The following APLP2 variants were observed in gnomAD, a reference collection of about 807,000 sequenced individuals.
The protein encoded by APLP2 is CDEI box-binding protein.
Under a neutral mutation model 89.9 loss-of-function variants are expected in APLP2, and 53 were observed. That is an observed-to-expected ratio of 0.59 (90% confidence interval 0.47 to 0.74). The LOEUF (loss-of-function observed/expected upper bound fraction) is 0.74, where lower values mean the gene tolerates loss of function less well. Ranked by LOEUF, APLP2 falls within the 30% of genes least tolerant of loss-of-function variation. The probability of loss-of-function intolerance (pLI) is 0.00; values close to 1 mark genes in which losing one functional copy is unlikely to be tolerated. For missense variants in APLP2, 973 were observed against 975.9 expected, an observed-to-expected ratio of 1.00 and a Z score of 0.04; for synonymous variants, 372 against 348.6, an observed-to-expected ratio of 1.07 and a Z score of -0.75.
intron 5 of APLP2, 49 bp from the exon 6 acceptor site, chr11:130,122,256 T>C: frequency 1.2e-6 from 2 of 1,602,506 alleles, no homozygotes; most frequent in Non-Finnish European, 1.7e-6. Context: ...TTGTTGTGCT[T>C]TGCACATAGG....
At chr11:130,125,203 A>G (rs1446602913) in intron 7 of APLP2, among the ~76,000 whole-genome samples, 1 of 152,214 alleles carries the variant, frequency 6.6e-6, no homozygotes, top group Non-Finnish European at 1.5e-5. Context: ...GTGATTCCAC[A>G]GGGACCGAGG....
rs1950100459 is a variant in APLP2, at chr11:130,123,844, C to T, written c.1090+65C>T. The T allele has an allele frequency of 1.2e-5, 19 of 1,562,670 alleles. No homozygotes were observed. The highest frequency in any genetic ancestry group is 9.4e-5 in the South Asian group (8 of 84,894). On this transcript the variant is annotated intron_variant, in intron 7 of 16. Coordinates refer to ENST00000338167, the MANE Select transcript of APLP2 (RefSeq NM_001142276.2). This position sits in a 1 kb window ranked among gnomAD's most constrained non-coding sequence, Gnocchi z 4.0. ...TCCTGTCTGGCGTCCGTCTCCCTGC[C>T]GTCTTCGTGGCTGCATCTGTGTGGT...
intron 13 of APLP2, 66 bp from the exon 14 acceptor site, chr11:130,140,332 G>A: frequency 1.5e-6 from 2 of 1,319,506 alleles, no homozygotes; most frequent in Non-Finnish European, 2.1e-6. Context: ...GGAGTTTGCT[G>A]CTTCTGTGCA....
rs936074436 is a variant in APLP2, at chr11:130,144,527, G to A, written c.*1079G>A. On this transcript the variant is annotated 3_prime_UTR_variant, in exon 17 of 17. Transcript: ENST00000338167. Reference sequence around the variant, plus strand: ...GAAAGCTTTGAACAATTGTGTTTTCGTCACAGGAGTCTTTGTAATGCTTGT... The same window carrying A: ...GAAAGCTTTGAACAATTGTGTTTTCATCACAGGAGTCTTTGTAATGCTTGT... 7 of 152,388 alleles carry A rather than the reference G, an allele frequency of 4.6e-5. No individual in the cohort carries two copies. The highest frequency in any genetic ancestry group is 1.0e-4 in the Non-Finnish European group (7 of 68,050). The allele number at this position is 152,388 out of a possible 1,614,324, so 9.4% of individuals were successfully genotyped here.
chr11:130,072,771 C>T (rs1239705871), intron 1 of APLP2, among the ~76,000 whole-genome samples: 1 of 152,160 alleles, frequency 6.6e-6, no homozygotes, highest in Non-Finnish European at 1.5e-5. Context: ...GCCACAGCGC[C>T]CGGCCCGTTA....
At chr11:130,073,744 G>C (rs1941585614) in intron 1 of APLP2, among the ~76,000 whole-genome samples, 1 of 152,136 alleles carries the variant, frequency 6.6e-6, no homozygotes, top group Non-Finnish European at 1.5e-5. Flanking sequence ...AGGAGGCTGA[G>C]GCAGGAGAAT....
Position 130,109,505 on chromosome 11 carries a change from T to C in APLP2, c.182T>C (p.Met61Thr). The change falls in exon 2 of 17, where the codon ATG becomes ACG. Residue 61 changes from methionine to threonine, a missense_variant. By Grantham distance (81) the Met-to-Thr change is moderately conservative (BLOSUM62 -1). Coordinates refer to ENST00000338167, the MANE Select transcript of APLP2 (RefSeq NM_001142276.2). Reference protein sequence around the residue: ...QIAMFCGKLNMHVNIQTGKWE... With the variant: ...QIAMFCGKLNTHVNIQTGKWE... ...GCAATGTTTTGTGGGAAGTTAAATA[T>C]GCATGTGAACATTCAGACTGGGAAA... The C allele has an allele frequency of 6.2e-7, 1 of 1,614,036 alleles. No individual in the cohort carries two copies. Among genetic ancestry groups the C allele is most frequent in the Non-Finnish European group, 8.5e-7 (1 of 1,179,948 alleles).
intron 1 of APLP2, chr11:130,070,616 C>T: frequency 5.6e-6 from 8 of 1,426,874 alleles, no homozygotes; most frequent in Non-Finnish European, 6.4e-6. Flanking sequence ...GGCAGGGATG[C>T]TGCGAGCCCC....
Position 130,089,016 on chromosome 11 carries a change from C to T in APLP2, c.105+18934C>T, listed in dbSNP as rs748704936. Among the ~76,000 whole-genome samples, 8 of 152,208 alleles carry T rather than the reference C, an allele frequency of 5.3e-5. No individual in the cohort carries two copies. In the South Asian group the frequency reaches 6.2e-4, roughly 12 times the overall value. On this transcript the variant is annotated intron_variant, in intron 1 of 16. Transcript: ENST00000338167. ...AGCTGTGAGTCCTTCCAGTATGATG[C>T]CACTCAAAACTGAAGTTTATCAGTC...
intron 3 of APLP2, among the ~76,000 whole-genome samples, chr11:130,115,119 C>T (rs1343681492): frequency 6.6e-6 from 1 of 152,132 alleles, no homozygotes; most frequent in East Asian, 1.9e-4. Context: ...GCTGTTTTCT[C>T]CCACCTGGGT....
rs74971312 is a variant in APLP2, at chr11:130,125,101, G to A, written c.1090+1322G>A. ...GGGCCTCTGCCTGGAGGGCTTTGCA[G>A]GTTGAGAAGCATCAAGTTTACTTCC... On this transcript the variant is annotated intron_variant, in intron 7 of 16. Transcript: ENST00000338167. 3.0e-3 allele frequency among the ~76,000 whole-genome samples: 458 copies of A among 152,314 alleles called. 3 individuals carry two copies. The highest frequency in any genetic ancestry group is 0.011 in the African/African-American group (445 of 41,568).
At chr11:130,070,594 G>T (rs1162774271) in intron 1 of APLP2, 2 of 1,349,172 alleles carry the variant, frequency 1.5e-6, no homozygotes, top group Non-Finnish European at 1.9e-6. Context: ...CGCGGCCCCG[G>T]CCTTCGCGCG....
In APLP2 at chr11:130,078,134, G is replaced by A. The variant is rs141193560; in HGVS notation, c.105+8052G>A. Among the ~76,000 whole-genome samples, 341 of 149,666 alleles carry A rather than the reference G, an allele frequency of 2.3e-3. 1 individual carries two copies. The highest frequency in any genetic ancestry group is 7.0e-3 in the African/African-American group (286 of 40,842). ...TTATAGTATTACCTCCCATGCATTC[G>A]TCCCTAAACACTGTAGTTCAGTTTT... is the stretch of plus-strand genomic sequence containing the variant. On this transcript the variant is annotated intron_variant, in intron 1 of 16. Coordinates refer to ENST00000338167, the MANE Select transcript of APLP2 (RefSeq NM_001142276.2).
intron 8 of APLP2, 130 bp downstream of exon 8, chr11:130,126,960 G>C (rs955662603): frequency 7.9e-7 from 1 of 1,260,742 alleles, no homozygotes. Context: ...AGTCAGGAGA[G>C]AGTTACCAGT....
At chr11:130,125,947 G>A (rs928964752) in intron 7 of APLP2, among the ~76,000 whole-genome samples, 5 of 152,178 alleles carry the variant, frequency 3.3e-5, no homozygotes, top group African/African-American at 9.7e-5. Context: ...TCCAGCAGTC[G>A]GGGGTGCTCC....
intron 1 of APLP2, among the ~76,000 whole-genome samples, chr11:130,073,603 G>T (rs576220455): frequency 6.6e-6 from 1 of 152,186 alleles, no homozygotes; most frequent in South Asian, 2.1e-4. Flanking sequence ...AGCACTTTGG[G>T]AGGCCGAGGT....
rs762569937 is a variant in APLP2, at chr11:130,123,817, C to T, written c.1090+38C>T. 85 of 1,601,784 alleles carry T rather than the reference C, an allele frequency of 5.3e-5. 1 individual carries two copies. In the South Asian group the frequency reaches 5.8e-4, roughly 11 times the overall value. The stretch of plus-strand genomic sequence containing the variant: ...TCGCGCTGGTCCCGTGCGGCAGCAC[C>T]GTCCTGTCTGGCGTCCGTCTCCCTG... On this transcript the variant is annotated intron_variant, in intron 7 of 16. Coordinates refer to ENST00000338167, the MANE Select transcript of APLP2 (RefSeq NM_001142276.2). The surrounding 1 kb of genome is among the most constrained non-coding windows in gnomAD (Gnocchi z 4.0).
intron 1 of APLP2, among the ~76,000 whole-genome samples, chr11:130,079,915 A>G (rs1404564692): frequency 6.6e-6 from 1 of 152,214 alleles, no homozygotes; most frequent in African/African-American, 2.4e-5. Context: ...TTTGCCAAAG[A>G]TTCTTGTCAT....
In APLP2 at chr11:130,109,490, G is replaced by C. The variant is rs1948263279; in HGVS notation, c.167G>C (p.Cys56Ser). The change falls in exon 2 of 17, where the codon TGT becomes TCT. Residue 56 changes from cysteine (C) to serine (S), a missense_variant. Coordinates refer to ENST00000338167, the MANE Select transcript of APLP2 (RefSeq NM_001142276.2). ...AVAEPQIAMF[C>S]GKLNMHVNIQ... ...GCTGAGCCTCAAATCGCAATGTTTT[G>C]TGGGAAGTTAAATATGCATGTGAAC... 1 of 1,613,828 alleles carries C rather than the reference G, an allele frequency of 6.2e-7. No homozygotes were observed. The highest frequency in any genetic ancestry group is 8.5e-7 in the Non-Finnish European group (1 of 1,179,922).
Sources: allele counts gnomAD v4.1 joint callset (sites outside exome capture counted in the v4.1 genomes callset), GRCh38; gene constraint gnomAD v4.1.1; non-coding constraint Gnocchi (gnomAD v3.1); transcripts MANE v1.5; gene names NCBI Gene and HGNC (gene_info 2026-07-23, HGNC 2026-07-21).